BLM: variants seen among roughly 807,000 people sequenced by gnomAD.
The protein encoded by BLM is BLM RecQ like helicase.
In BLM, 95 loss-of-function variants were observed where a neutral mutation model predicts 135.3. The ratio of observed to expected loss-of-function variants is 0.70; its 90% CI spans 0.59 to 0.83. BLM has a LOEUF of 0.83. Among genes scored for constraint, BLM ranks in the 40% least tolerant of loss-of-function variants. The pLI is 0.00. For missense variants in BLM, 1,518 were observed against 1,663.9 expected (o/e 0.91, Z 1.53); for synonymous variants, 520 against 589.2 (o/e 0.88, Z 1.70).
intron 19 of BLM, among the ~76,000 whole-genome samples, chr15:90,807,990 T>A (rs28385146): frequency 3.2e-4 from 49 of 152,318 alleles, no homozygotes; most frequent in African/African-American, 1.1e-3. Flanking sequence ...GAATGCTAAA[T>A]TGTGAAAAGG....
chr15:90,782,387 CAA>C (rs776374962), intron 12 of BLM, among the ~76,000 whole-genome samples: 3 of 148,726 alleles, frequency 2.0e-5, no homozygotes, highest in African/African-American at 7.4e-5. Flanking sequence ...GACTCTGTCT[CAA>C]AAAAAAACAA....
intron 1 of BLM, among the ~76,000 whole-genome samples, chr15:90,735,269 ATATT>A (rs1447602288): frequency 7.3e-6 from 1 of 136,838 alleles, no homozygotes; most frequent in African/African-American, 2.7e-5. Context: ...ATATATATAT[ATATT>A]TAAGTTAATA....
At chr15:90,719,896 T>C (rs535366081) in intron 1 of BLM, among the ~76,000 whole-genome samples, 10 of 152,340 alleles carry the variant, frequency 6.6e-5, no homozygotes, top group African/African-American at 2.4e-4. Flanking sequence ...CTCCTTGGCA[T>C]GATACCAGAG....
intron 17 of BLM, 81 bp from the exon 18 acceptor site, chr15:90,803,439 TA>T: frequency 1.5e-6 from 2 of 1,308,150 alleles, no homozygotes; most frequent in South Asian, 1.2e-5. Flanking sequence ...AACCTGTCCA[TA>T]AATGACTTTT....
intron 1 of BLM, among the ~76,000 whole-genome samples, chr15:90,743,834 TC>T (rs1486543299): frequency 6.6e-6 from 1 of 152,232 alleles, no homozygotes; most frequent in Non-Finnish European, 1.5e-5. Context: ...AATTATGTAC[TC>T]ATTACCATAC....
chr15:90,813,711 C>T (rs1215696936), intron 21 of BLM, among the ~76,000 whole-genome samples: 1 of 152,174 alleles, frequency 6.6e-6, no homozygotes, highest in Non-Finnish European at 1.5e-5. Context: ...TTTTTAAGCC[C>T]TACCAGCTAA....
In BLM at chr15:90,809,210, T is replaced by C. The variant is rs1330805869; in HGVS notation, c.3825T>C (p.Gly1275=). 6.2e-7 allele frequency: 1 copy of C among 1,614,078 alleles called. No individual in the cohort carries two copies. The highest frequency in any genetic ancestry group is 2.2e-5 in the East Asian group (1 of 44,906). Residue 1275 remains glycine, a synonymous_variant, in exon 20 of 22, where the codon GGT becomes GGC. Coordinates refer to ENST00000355112, the MANE Select transcript of BLM (RefSeq NM_000057.4). ...GVTEDKLEKY[G]AEVISVLQKY... ...CTGAAGACAAACTGGAAAAATATGGTGCGGAAGTGATTTCAGTATTACAGA... is the reference window on the plus strand; with the variant it reads ...CTGAAGACAAACTGGAAAAATATGGCGCGGAAGTGATTTCAGTATTACAGA...
intron 1 of BLM, among the ~76,000 whole-genome samples, chr15:90,738,673 A>G (rs1895285675): frequency 6.6e-6 from 1 of 152,246 alleles, no homozygotes; most frequent in Non-Finnish European, 1.5e-5. Context: ...TTCACCAAAG[A>G]AGATATACAA....
intron 14 of BLM, among the ~76,000 whole-genome samples, chr15:90,786,248 A>C (rs1896746888): frequency 6.6e-6 from 1 of 151,948 alleles, no homozygotes; most frequent in Non-Finnish European, 1.5e-5. Flanking sequence ...TCAACCTACC[A>C]AATTCCTGCG....
At chr15:90,773,895 C>A in intron 12 of BLM, among the ~76,000 whole-genome samples, 1 of 152,014 alleles carries the variant, frequency 6.6e-6, no homozygotes, top group East Asian at 1.9e-4. Flanking sequence ...GATGGATGTT[C>A]AAGCTGTTTC....
intron 1 of BLM, among the ~76,000 whole-genome samples, chr15:90,729,683 T>G (rs1449898987): frequency 2.6e-5 from 4 of 152,186 alleles, no homozygotes; most frequent in African/African-American, 7.2e-5. Flanking sequence ...TTATTAGCAG[T>G]CTTAATTCCG....
At position 90,738,340 on chromosome 15, in the gene BLM, G is replaced by A. The variant is rs543296898; in HGVS notation, c.-4-9049G>A. ...CTCCTCAGCACTTTGGGAGGCTGCC[G>A]GGACGGGAGAATTTCTTGAGCCTAG... is the stretch of plus-strand genomic sequence containing the variant. On this transcript the variant is annotated intron_variant, in intron 1 of 21. Coordinates refer to ENST00000355112, the MANE Select transcript of BLM (RefSeq NM_000057.4). Among the ~76,000 whole-genome samples the A allele has an allele frequency of 3.9e-5, 6 of 152,200 alleles. No homozygotes were observed. The South Asian group carries it at 8.3e-4, about 21-fold the overall frequency.
intron 5 of BLM, chr15:90,755,193 G>A (rs1567038193): frequency 6.0e-6 from 3 of 497,494 alleles, no homozygotes; most frequent in African/African-American, 3.9e-5. Context: ...CTCTCATACT[G>A]AGCCAAGATC....
chr15:90,775,700 C>T (rs1262618376), intron 12 of BLM, among the ~76,000 whole-genome samples: 4 of 151,806 alleles, frequency 2.6e-5, no homozygotes, highest in East Asian at 1.9e-4. Flanking sequence ...TTAGTAGAGA[C>T]GGGGTTTCAC....
intron 8 of BLM, 47 bp from the exon 9 acceptor site, chr15:90,765,249 C>T (rs1161363093): frequency 6.4e-6 from 9 of 1,401,968 alleles, no homozygotes; most frequent in African/African-American, 2.8e-5. Flanking sequence ...TACATTCATG[C>T]TCTGAAGACA....
chr15:90,765,210 A>G, intron 8 of BLM, 86 bp from the exon 9 acceptor site: 1 of 1,089,180 alleles, frequency 9.2e-7, no homozygotes, highest in East Asian at 2.4e-5. Flanking sequence ...TTGGTGTCCT[A>G]TTAATGATAT....
intron 17 of BLM, among the ~76,000 whole-genome samples, chr15:90,799,699 T>G (rs1224735036): frequency 1.4e-5 from 2 of 142,064 alleles, no homozygotes. Flanking sequence ...GTTAAAGACA[T>G]GTCAAAGAGG....
At chr15:90,729,715 T>C (rs1895015488) in intron 1 of BLM, among the ~76,000 whole-genome samples, 1 of 152,262 alleles carries the variant, frequency 6.6e-6, no homozygotes, top group African/African-American at 2.4e-5. Context: ...TTCACCTTTG[T>C]CATGTAACCA....
chr15:90,774,256 G>C (rs1896410373), intron 12 of BLM, among the ~76,000 whole-genome samples: 1 of 151,212 alleles, frequency 6.6e-6, no homozygotes, highest in Non-Finnish European at 1.5e-5. Flanking sequence ...ATTTTTAGTA[G>C]AGATGGGGTT....
Sources: allele counts gnomAD v4.1 joint callset (sites outside exome capture counted in the v4.1 genomes callset), GRCh38; gene constraint gnomAD v4.1.1; transcripts MANE v1.5; gene names NCBI Gene and HGNC (gene_info 2026-07-23, HGNC 2026-07-21).